Variants in PBRM1 observed in about 807,000 individuals in gnomAD.
PBRM1 encodes protein polybromo-1.
In PBRM1, 27 loss-of-function variants were observed where a neutral mutation model predicts 194.5. That is an observed-to-expected ratio of 0.14 (90% CI 0.10 to 0.19). The LOEUF (loss-of-function observed/expected upper bound fraction) is 0.19, where lower values mean the gene tolerates loss of function less well. PBRM1 is among the 10% of genes least tolerant of loss of function. PBRM1 has a pLI of 1.00. For synonymous variants in PBRM1, 655 were observed against 693.2 expected (o/e 0.94, Z 0.87); for missense variants, 1,466 against 2,077.2 (o/e 0.71, Z 5.72).
chr3:52,668,228 C>T (rs1317942603), intron 3 of PBRM1, among the ~76,000 whole-genome samples: 9 of 152,080 alleles, frequency 5.9e-5, no homozygotes, highest in Admixed American at 2.6e-4. Context: ...ACCTGGGAGG[C>T]GGAGGCTGCC....
chr3:52,652,123 C>T (rs2096512009), intron 5 of PBRM1, among the ~76,000 whole-genome samples: 1 of 152,170 alleles, frequency 6.6e-6, no homozygotes, highest in African/African-American at 2.4e-5. Context: ...GTAGCTCACG[C>T]CTGCAATCCC....
chr3:52,559,016 C>T (rs1163586142), intron 25 of PBRM1, among the ~76,000 whole-genome samples: 1 of 152,046 alleles, frequency 6.6e-6, no homozygotes, highest in African/African-American at 2.4e-5. Flanking sequence ...TCTAATGAAG[C>T]AAAGAAGTCA....
At chr3:52,587,378 C>T (rs2153789061) in exon 19 of PBRM1, 1 of 1,609,616 alleles carries the variant, frequency 6.2e-7, no homozygotes, top group Non-Finnish European at 8.5e-7. Flanking sequence ...CACACACTTG[C>T]CTAGAATTTT....
chr3:52,659,293 A>G (rs999864613), intron 4 of PBRM1, among the ~76,000 whole-genome samples: 2 of 152,238 alleles, frequency 1.3e-5, no homozygotes, highest in African/African-American at 4.8e-5. Context: ...GGATTAAATT[A>G]TGCTTCTAGT....
chr3:52,556,846 G>C (rs1378764812), intron 26 of PBRM1, among the ~76,000 whole-genome samples: 1 of 151,940 alleles, frequency 6.6e-6, no homozygotes. Context: ...TGGAGCAGGG[G>C]CTTTCTAGAG....
At chr3:52,621,983 C>G (rs1303790939) in intron 13 of PBRM1, among the ~76,000 whole-genome samples, 1 of 152,100 alleles carries the variant, frequency 6.6e-6, no homozygotes, top group South Asian at 2.1e-4. Context: ...AAGATCACGG[C>G]TGCAGTGAGC....
chr3:52,565,998 C>T (rs1559915661), intron 22 of PBRM1, among the ~76,000 whole-genome samples: 2 of 152,004 alleles, frequency 1.3e-5, no homozygotes, highest in East Asian at 3.9e-4. Flanking sequence ...TGCAGTGAGC[C>T]GAGATTGCGC....
exon 20 of PBRM1, chr3:52,586,431 C>A (rs777228498): frequency 6.2e-7 from 1 of 1,608,928 alleles, no homozygotes; most frequent in Non-Finnish European, 8.5e-7. Context: ...ATACCTTTTC[C>A]AAGTTAAAAT....
At chr3:52,586,810 A>T in intron 19 of PBRM1, 122 bp from the exon 22 acceptor site, 1 of 693,310 alleles carries the variant, frequency 1.4e-6, no homozygotes, top group Non-Finnish European at 2.4e-6. Context: ...CTGATTACAG[A>T]CTTTCTGGCA....
At chr3:52,648,925 G>A (rs888284734) in intron 6 of PBRM1, among the ~76,000 whole-genome samples, 15 of 152,220 alleles carry the variant, frequency 9.9e-5, no homozygotes, top group African/African-American at 3.6e-4. Context: ...ATATCTTAAG[G>A]CTCACTCAAT....
chr3:52,548,393 T>C (rs185624077), intron 29 of PBRM1, among the ~76,000 whole-genome samples, 158 bp from the exon 32 acceptor site: 4 of 152,296 alleles, frequency 2.6e-5, no homozygotes, highest in Admixed American at 2.0e-4. Context: ...ACATTTCTTA[T>C]ATCATTTTAC....
chr3:52,572,939 G>A (rs1441784967), intron 22 of PBRM1, among the ~76,000 whole-genome samples: 2 of 152,136 alleles, frequency 1.3e-5, no homozygotes, highest in Non-Finnish European at 2.9e-5. Flanking sequence ...TTGGAGGCTG[G>A]GGACAGTGAA....
chr3:52,589,994 A>C (rs1223707474), intron 17 of PBRM1, among the ~76,000 whole-genome samples: 1 of 151,638 alleles, frequency 6.6e-6, no homozygotes, highest in Non-Finnish European at 1.5e-5. Flanking sequence ...ACGCCTGGCT[A>C]ATTTTGTATT....
intron 2 of PBRM1, among the ~76,000 whole-genome samples, chr3:52,674,496 AAGAG>A (rs34774607): frequency 5.1e-5 from 7 of 138,170 alleles, no homozygotes; most frequent in Non-Finnish European, 7.7e-5. Context: ...AAAAAAAAAA[AAGAG>A]AGAGAGAGGC....
At chr3:52,555,387 T>C (rs1368713228) in intron 26 of PBRM1, among the ~76,000 whole-genome samples, 1 of 152,224 alleles carries the variant, frequency 6.6e-6, no homozygotes, top group African/African-American at 2.4e-5. Context: ...GGGGCAGGAA[T>C]TGTTCAAGAC....
intron 14 of PBRM1, among the ~76,000 whole-genome samples, chr3:52,616,266 T>C (rs544913129): frequency 2.9e-4 from 44 of 152,314 alleles, no homozygotes; most frequent in Non-Finnish European, 5.4e-4. Flanking sequence ...TCAAATGTAA[T>C]TGCAGAGGGA....
At chr3:52,662,070 C>A (rs1375807750) in intron 4 of PBRM1, 63 bp downstream of exon 5, 8 of 1,549,144 alleles carry the variant, frequency 5.2e-6, no homozygotes, top group Middle Eastern at 3.4e-4. Context: ...GAGGGAATCA[C>A]AAGCAGGGGC....
At chr3:52,634,354 C>G (rs1577161440) in intron 11 of PBRM1, among the ~76,000 whole-genome samples, 1 of 149,978 alleles carries the variant, frequency 6.7e-6, no homozygotes, top group Non-Finnish European at 1.5e-5. Context: ...AGAGAATCAC[C>G]TGAACCCAGG....
chr3:52,581,012 C>G (rs1330630344), intron 20 of PBRM1, among the ~76,000 whole-genome samples: 1 of 152,150 alleles, frequency 6.6e-6, no homozygotes, highest in African/African-American at 2.4e-5. Flanking sequence ...CGGCACAAGG[C>G]TAGATGTTAT....
Sources: gnomAD v4.1 joint callset for allele counts (sites outside exome capture counted in the v4.1 genomes callset) on GRCh38, gnomAD v4.1.1 for gene constraint, MANE v1.5 for transcripts, NCBI Gene and HGNC (gene_info 2026-07-23, HGNC 2026-07-21) for gene names.